Variants in TMEM91 observed in about 807,000 individuals in gnomAD.
The protein encoded by TMEM91 is transmembrane protein 91, also known as dispanin subfamily C member 3.
TMEM91 carries 6 observed loss-of-function variants against 13.3 expected under a neutral mutation model. The ratio of observed to expected loss-of-function variants is 0.45; its 90% CI spans 0.25 to 0.89. The LOEUF (loss-of-function observed/expected upper bound fraction) is 0.89. TMEM91 is among the 40% of genes least tolerant of loss of function. The probability of loss-of-function intolerance (pLI) is 0.19; values close to 1 mark genes in which losing one functional copy is unlikely to be tolerated. For synonymous variants in TMEM91, 87 were observed against 101.7 expected (o/e 0.86, Z 0.87); for missense variants, 193 against 228.7 (o/e 0.84, Z 1.01).
At chr19:41,367,774 C>T (rs772964747) in intron 1 of TMEM91, among the ~76,000 whole-genome samples, 3 of 152,112 alleles carry the variant, frequency 2.0e-5, no homozygotes, top group East Asian at 1.9e-4. Context: ...GGACTACAGG[C>T]GTGTGCCACC....
At chr19:41,378,238 G>A (rs1243228595) in intron 1 of TMEM91, 43 bp from the exon 2 acceptor site, 2 of 1,489,542 alleles carry the variant, frequency 1.3e-6, no homozygotes. Context: ...GTTGAGTGAA[G>A]TGAGACTTTT....
chr19:41,381,675 A>G (rs143034747), intron 2 of TMEM91, among the ~76,000 whole-genome samples: 103 of 151,778 alleles, frequency 6.8e-4, no homozygotes, highest in Admixed American at 3.9e-3. Flanking sequence ...ATGCCTAGCT[A>G]ATTTTAAATT....
intron 1 of TMEM91, chr19:41,377,120 G>C (rs558693385): frequency 6.5e-6 from 1 of 154,596 alleles, no homozygotes; most frequent in East Asian, 1.9e-4. Flanking sequence ...GAGAGCTGGT[G>C]CATGTGTGGG....
At chr19:41,383,626 T>C (rs2038946358) in intron 3 of TMEM91, 89 bp from the exon 4 acceptor site, 1 of 1,613,876 alleles carries the variant, frequency 6.2e-7, no homozygotes, top group African/African-American at 1.3e-5. Flanking sequence ...CATGAATGAA[T>C]GAATGGGTAT....
At chr19:41,372,906 A>G (rs1009059961), upstream of TMEM91, among the ~76,000 whole-genome samples, 4 of 151,796 alleles carry the variant, frequency 2.6e-5, no homozygotes, top group African/African-American at 9.7e-5. Flanking sequence ...TCTGTTGACA[A>G]TCCTTGCTGG....
At chr19:41,373,303 T>C (rs1347532549), upstream of TMEM91, among the ~76,000 whole-genome samples, 1 of 151,998 alleles carries the variant, frequency 6.6e-6, no homozygotes, top group Non-Finnish European at 1.5e-5. Context: ...TCTTAGACTG[T>C]ACAAGGCTAA....
intron 1 of TMEM91, chr19:41,364,294 A>G (rs998487894): frequency 3.9e-5 from 6 of 152,896 alleles, no homozygotes; most frequent in African/African-American, 1.2e-4. Flanking sequence ...CTCTCCAGCT[A>G]CGGCAAAGGG....
intron 2 of TMEM91, among the ~76,000 whole-genome samples, chr19:41,381,031 G>C (rs1172153707): frequency 3.8e-5 from 5 of 130,436 alleles, no homozygotes; most frequent in African/African-American, 1.5e-4. Context: ...GTTGCAGTGA[G>C]CTGAGATTGA....
In TMEM91 at chr19:41,383,789, C is replaced by T; in HGVS notation, c.435C>T (p.Val145=). ...AASRRAFLLG[V]LAVGLGVCTY... is the part of the protein sequence containing the mutation. Reference sequence around the variant, plus strand: ...CCCGCCGTGCCTTCCTGCTGGGGGTCCTCGCCGTCGGGCTGGGCGTGTGCA... The same window carrying T: ...CCCGCCGTGCCTTCCTGCTGGGGGTTCTCGCCGTCGGGCTGGGCGTGTGCA... The change falls in exon 4 of 4, where the codon GTC becomes GTT. Residue 145 remains valine, a synonymous_variant. Transcript: ENST00000392002. 2 of 1,610,830 alleles carry T rather than the reference C, an allele frequency of 1.2e-6. No individual in the cohort carries two copies. Among genetic ancestry groups the T allele is most frequent in the South Asian group, 1.1e-5 (1 of 90,752 alleles).
At chr19:41,364,292 C>G (rs1387103143) in intron 1 of TMEM91, 2 of 152,928 alleles carry the variant, frequency 1.3e-5, no homozygotes, top group Non-Finnish European at 2.9e-5. Context: ...GTCTCTCCAG[C>G]TACGGCAAAG....
chr19:41,370,569 G>C (rs994327156), intron 1 of TMEM91, among the ~76,000 whole-genome samples: 2 of 151,762 alleles, frequency 1.3e-5, no homozygotes, highest in Non-Finnish European at 2.9e-5. Flanking sequence ...ACCTTGTCCA[G>C]CTAATTTTTG....
At chr19:41,368,454 GAC>G (rs1322316997) in intron 1 of TMEM91, among the ~76,000 whole-genome samples, 2 of 150,832 alleles carry the variant, frequency 1.3e-5, no homozygotes, top group Non-Finnish European at 3.0e-5. Flanking sequence ...GTTTTTTTGA[GAC>G]AGAGTCTCGT....
chr19:41,377,364 C>G (rs2038745699), intron 1 of TMEM91: 1 of 152,362 alleles, frequency 6.6e-6, no homozygotes, highest in Admixed American at 6.6e-5. Flanking sequence ...TTTCTGGGAG[C>G]TGATGTTTTG....
intron 1 of TMEM91, among the ~76,000 whole-genome samples, chr19:41,365,784 C>T (rs2038514228): frequency 7.0e-6 from 1 of 143,740 alleles, no homozygotes; most frequent in Non-Finnish European, 1.5e-5. Flanking sequence ...GATCTCTGCT[C>T]ACCACAACCT....
chr19:41,367,420 C>T (rs990267579), intron 1 of TMEM91, among the ~76,000 whole-genome samples: 24 of 152,092 alleles, frequency 1.6e-4, no homozygotes, highest in African/African-American at 5.8e-4. Flanking sequence ...ATCACGAGGT[C>T]AGGGGTTCAA....
chr19:41,383,740 A>T lies in TMEM91; in HGVS notation c.386A>T (p.Asp129Val), dbSNP rs767484066. 6.2e-7 allele frequency: 1 copy of T among 1,607,596 alleles called. No individual in the cohort carries two copies. The highest frequency in any genetic ancestry group is 1.3e-5 in the African/African-American group (1 of 74,630). The stretch of plus-strand genomic sequence containing the variant: ...ACCAACAAGGCTTGGGCCAAGGGGG[A>T]CATCCAGGGGGCAGGGGCCGCCTCC... ...QKTNKAWAKG[D>V]IQGAGAASRR... is the part of the protein sequence containing the mutation. Residue 129 changes from aspartate (D) to valine (V), a missense_variant, in exon 4 of 4, where the codon GAC becomes GTC. Transcript: ENST00000392002.
chr19:41,381,547 G>A (rs981674241), intron 2 of TMEM91, among the ~76,000 whole-genome samples: 4 of 152,016 alleles, frequency 2.6e-5, no homozygotes, highest in African/African-American at 9.7e-5. Flanking sequence ...TGTATTTTTA[G>A]TAGAGACGAG....
At chr19:41,371,884 C>T (rs761070087), upstream of TMEM91, among the ~76,000 whole-genome samples, 1 of 152,002 alleles carries the variant, frequency 6.6e-6, no homozygotes, top group Non-Finnish European at 1.5e-5. Flanking sequence ...TCCTGACCCC[C>T]CTTTTTTTGA....
intron 1 of TMEM91, 84 bp from the exon 2 acceptor site, chr19:41,378,197 G>A (rs553305777): frequency 2.2e-5 from 23 of 1,044,618 alleles, no homozygotes; most frequent in Non-Finnish European, 3.3e-5. Context: ...ACTAGTCTCT[G>A]CCTGAGTCTC....
Sources: allele counts gnomAD v4.1 joint callset (sites outside exome capture counted in the v4.1 genomes callset), GRCh38; gene constraint gnomAD v4.1.1; transcripts MANE v1.5; gene names NCBI Gene and HGNC (gene_info 2026-07-23, HGNC 2026-07-21).